Variants in FRYL observed in about 807,000 individuals in gnomAD.
FRYL encodes FRY like transcription coactivator, also known as protein furry homolog-like.
In FRYL, 150 loss-of-function variants were observed where a neutral mutation model predicts 351.2. The observed-to-expected ratio is 0.43, with a 90% CI of 0.37 to 0.49. The LOEUF is 0.49. Ranked by LOEUF, FRYL falls within the 20% of genes least tolerant of loss-of-function variation. The pLI, the probability that FRYL is intolerant of heterozygous loss-of-function variation, is 0.00. For synonymous variants in FRYL, 1,153 were observed against 1,257.1 expected, an observed-to-expected ratio of 0.92 and a Z score of 1.75; for missense variants, 3,036 against 3,619.3, an observed-to-expected ratio of 0.84 and a Z score of 4.13.
rs1560758880 is a variant in FRYL, at chr4:48,634,401, T to C, written c.10A>G (p.Ile4Val). The C allele has an allele frequency of 1.2e-6, 2 of 1,612,514 alleles. No homozygotes were observed. The highest frequency in any genetic ancestry group is 1.7e-6 in the Non-Finnish European group (2 of 1,178,614). ...GGTTTGACATCTGGGTCAATCGTAATGTTTGACATGATGATATTTTTTTTT... is the reference window on the plus strand; with the variant it reads ...GGTTTGACATCTGGGTCAATCGTAACGTTTGACATGATGATATTTTTTTTT... MSNITIDPDVKPGE... is the reference protein window; with the variant it reads MSNVTIDPDVKPGE... The change falls in exon 4 of 64, where the codon ATT becomes GTT. Residue 4 changes from isoleucine to valine, a missense_variant. This residue lies in a region of FRYL where 457 missense variants were observed against 566.6 expected (regional missense o/e 0.81). Coordinates refer to ENST00000358350, the MANE Select transcript of FRYL (RefSeq NM_015030.2).
chr4:48,548,548 G>C (rs1731948455), intron 40 of FRYL, 142 bp downstream of exon 40: 2 of 610,180 alleles, frequency 3.3e-6, no homozygotes, highest in Admixed American at 5.7e-5. Context: ...CAAGAGACCA[G>C]AGGAATCATA....
intron 59 of FRYL, among the ~76,000 whole-genome samples, chr4:48,507,201 TA>T (rs1289616441): frequency 1.3e-5 from 2 of 152,192 alleles, no homozygotes; most frequent in Non-Finnish European, 1.5e-5. Flanking sequence ...CTATTCAAAA[TA>T]TTGCTGATTT....
intron 3 of FRYL, chr4:48,680,865 A>G: frequency 1.7e-6 from 1 of 572,744 alleles, no homozygotes; most frequent in Non-Finnish European, 2.4e-6. Flanking sequence ...TCATACTTGT[A>G]AAAATAGTTT....
Position 48,515,244 on chromosome 4 carries a change from A to G in FRYL, c.7721T>C (p.Val2574Ala). 6.2e-7 allele frequency: 1 copy of G among 1,610,488 alleles called. No individual in the cohort carries two copies. Among genetic ancestry groups the G allele is most frequent in the Non-Finnish European group, 8.5e-7 (1 of 1,177,024 alleles). Reference protein sequence around the residue: ...DTTSVLKEEHVTTFEDEGSYI... With the variant: ...DTTSVLKEEHATTFEDEGSYI... ...GGATCCTTCATCTTCAAAGGTTGTA[A>G]CATGTTCCTCCTTTAATACTGAAGT... The change falls in exon 56 of 64, where the codon GTT becomes GCT. Residue 2574 changes from valine to alanine, a missense_variant. Physicochemically the swap from Val to Ala is moderately conservative, Grantham distance 64. This residue lies in a region of FRYL where 1,987 missense variants were observed against 2,311.7 expected (regional missense o/e 0.86). Transcript: ENST00000358350.
At chr4:48,665,528 T>C (rs1050283365) in intron 3 of FRYL, among the ~76,000 whole-genome samples, 4 of 152,242 alleles carry the variant, frequency 2.6e-5, no homozygotes, top group Admixed American at 6.5e-5. Context: ...TGTATTTTTA[T>C]AACATAATGC....
intron 2 of FRYL, among the ~76,000 whole-genome samples, chr4:48,690,022 G>A (rs1228908179): frequency 4.7e-5 from 7 of 149,238 alleles, no homozygotes; most frequent in South Asian, 2.1e-4. Context: ...TCAGCCTCCC[G>A]ACTAGCTGGG....
intron 55 of FRYL, among the ~76,000 whole-genome samples, chr4:48,516,524 C>T (rs765787815): frequency 2.0e-5 from 3 of 152,182 alleles, no homozygotes; most frequent in Admixed American, 6.5e-5. Flanking sequence ...TAAGTTACTT[C>T]TCAGCTGTAG....
chr4:48,653,883 G>T, intron 3 of FRYL: 2 of 1,273,292 alleles, frequency 1.6e-6, no homozygotes, highest in South Asian at 2.6e-5. Context: ...TCTCCAAGCC[G>T]CTGTCCCTTC....
chr4:48,533,002 CA>C (rs1728013710), intron 49 of FRYL, among the ~76,000 whole-genome samples: 1 of 152,058 alleles, frequency 6.6e-6, no homozygotes, highest in African/African-American at 2.4e-5. Flanking sequence ...TGTAGATTTC[CA>C]GCTTCTCTTA....
intron 7 of FRYL, among the ~76,000 whole-genome samples, chr4:48,614,826 T>C (rs1749061970): frequency 1.9e-3 from 1 of 518 alleles, no homozygotes; most frequent in East Asian, 0.062. Flanking sequence ...TTTTTTTTTT[T>C]TTTTTTTTTT....
At chr4:48,525,755 G>A (rs1037113235) in intron 53 of FRYL, among the ~76,000 whole-genome samples, 1 of 151,922 alleles carries the variant, frequency 6.6e-6, no homozygotes. Flanking sequence ...GAGAGTTGAT[G>A]GATGTGTATG....
In FRYL at chr4:48,611,731, T is replaced by C. The variant is rs900220913; in HGVS notation, c.412-1908A>G. ...TCTATAAAACAATTTGAAGTAACTGTATTTTTATATATTTACATGAAATAA... is the reference window on the plus strand; with the variant it reads ...TCTATAAAACAATTTGAAGTAACTGCATTTTTATATATTTACATGAAATAA... On this transcript the variant is annotated intron_variant, in intron 7 of 63. Coordinates refer to ENST00000358350, the MANE Select transcript of FRYL (RefSeq NM_015030.2). Among the ~76,000 whole-genome samples, 6 of 152,306 alleles carry C rather than the reference T, an allele frequency of 3.9e-5. 1 individual carries two copies.
At chr4:48,528,107 T>C in intron 51 of FRYL, 62 bp from the exon 52 acceptor site, 1 of 1,559,432 alleles carries the variant, frequency 6.4e-7, no homozygotes. Flanking sequence ...AATTCTCAAG[T>C]TTTCATACCT....
At position 48,540,882 on chromosome 4, in the gene FRYL, T is replaced by G; in HGVS notation, c.5766A>C (p.Thr1922=). The G allele has an allele frequency of 6.2e-7, 1 of 1,613,832 alleles. No homozygotes were observed. Residue 1922 remains threonine (T), a synonymous_variant, in exon 46 of 64, where the codon ACA becomes ACC. Coordinates refer to ENST00000358350, the MANE Select transcript of FRYL (RefSeq NM_015030.2). ...AATAACTGCTACTATTAATGGGACT[T>G]GTGCTTAGATTGAGTTGTCCAGTGC... ...RKSTGQLNLS[T]SPINSSSYLG...
chr4:48,531,469 C>T (rs975251648), intron 49 of FRYL, 116 bp from the exon 50 acceptor site: 11 of 677,648 alleles, frequency 1.6e-5, no homozygotes, highest in Non-Finnish European at 2.5e-5. Context: ...AAAAATTATT[C>T]ATTTTGAAGA....
intron 26 of FRYL, among the ~76,000 whole-genome samples, chr4:48,572,577 G>A (rs1738582628): frequency 6.6e-6 from 1 of 152,096 alleles, no homozygotes; most frequent in African/African-American, 2.4e-5. Flanking sequence ...TCCTTACCCT[G>A]CAACCAGAGT....
At chr4:48,588,888 C>T (rs1266235330) in intron 18 of FRYL, among the ~76,000 whole-genome samples, 2 of 152,030 alleles carry the variant, frequency 1.3e-5, no homozygotes, top group African/African-American at 4.8e-5. Context: ...AGAAGAAATA[C>T]ACTATATAGG....
chr4:48,681,067 G>A (rs1764533152), intron 3 of FRYL: 2 of 1,281,826 alleles, frequency 1.6e-6, no homozygotes, highest in Non-Finnish European at 2.0e-6. Flanking sequence ...CTCAGTACTA[G>A]TATCCAAAAC....
chr4:48,625,542 T>C (rs1008158027), intron 4 of FRYL, among the ~76,000 whole-genome samples: 5 of 152,174 alleles, frequency 3.3e-5, no homozygotes, highest in African/African-American at 7.2e-5. Context: ...CTAAACAATA[T>C]AGTATAGCAA....
Sources: allele counts gnomAD v4.1 joint callset (sites outside exome capture counted in the v4.1 genomes callset), GRCh38; gene constraint gnomAD v4.1.1; regional missense constraint gnomAD v4.1.1; transcripts MANE v1.5; gene names NCBI Gene and HGNC (gene_info 2026-07-23, HGNC 2026-07-21).